NUTM2G: variants seen among roughly 807,000 people sequenced by gnomAD.
NUTM2G encodes family with sequence similarity 22, member G.
In NUTM2G, 29 loss-of-function variants were observed where a neutral mutation model predicts 44.3. That is an observed-to-expected ratio of 0.66 (90% CI 0.49 to 0.89). NUTM2G has a LOEUF of 0.89. Ranked by LOEUF, NUTM2G falls within the 40% of genes least tolerant of loss-of-function variation. NUTM2G has a pLI of 0.00. For synonymous variants in NUTM2G, 205 were observed against 395.9 expected (o/e 0.52, Z 5.72); for missense variants, 502 against 946.5 (o/e 0.53, Z 6.16).
chr9:96,930,877 T>TTTTTTG (rs1408959572), intron 1 of NUTM2G, among the ~76,000 whole-genome samples: 4 of 55,296 alleles, frequency 7.2e-5, no homozygotes, highest in African/African-American at 5.1e-4. Flanking sequence ...CAGTGGTTTT[T>TTTTTTG]TTTTTTTTTT....
rs369063405 is a variant in NUTM2G at position 96,935,399 on chromosome 9, G to A, written c.785G>A (p.Arg262Gln). The A allele has an allele frequency of 5.0e-6, 8 of 1,612,056 alleles. No homozygotes were observed. Among genetic ancestry groups the A allele is most frequent in the South Asian group, 3.3e-5 (3 of 90,988 alleles). Reference protein sequence around the residue: ...TLEEGLWRAMREWQHTSNFDR... With the variant: ...TLEEGLWRAMQEWQHTSNFDR... ...GAGGAGGGACTGTGGCGGGCCATGCGGGAATGGCAGCACACGAGCAACTTT... is the reference window on the plus strand; with the variant it reads ...GAGGAGGGACTGTGGCGGGCCATGCAGGAATGGCAGCACACGAGCAACTTT... Residue 262 changes from arginine (R) to glutamine (Q), a missense_variant, in exon 3 of 7, where the codon CGG becomes CAG. By Grantham distance (43) the Arg-to-Gln change is conservative. Transcript: ENST00000372322.
Position 96,937,094 on chromosome 9 carries a change from C to T in NUTM2G, c.1013C>T (p.Ala338Val). 6.2e-7 allele frequency: 1 copy of T among 1,610,298 alleles called. No individual in the cohort carries two copies. The highest frequency in any genetic ancestry group is 1.7e-5 in the Admixed American group (1 of 59,800). Residue 338 changes from alanine (A) to valine (V), a missense_variant, in exon 5 of 7, where the codon GCC (alanine) becomes GTC (valine). Physicochemically the swap from Ala to Val is moderately conservative, Grantham distance 64. Transcript: ENST00000372322. ...CTTCCCAGCAAGGATGGCCCCAAGGCCCCGACTGCCTGCCTGCCACCACCC... is the reference window on the plus strand; with the variant it reads ...CTTCCCAGCAAGGATGGCCCCAAGGTCCCGACTGCCTGCCTGCCACCACCC... ...VYLPSKDGPKAPTACLPPPRP... is the reference protein window; with the variant it reads ...VYLPSKDGPKVPTACLPPPRP...
intron 5 of NUTM2G, among the ~76,000 whole-genome samples, chr9:96,937,617 G>GT (rs1826480185): frequency 6.6e-6 from 1 of 152,162 alleles, no homozygotes; most frequent in African/African-American, 2.4e-5. Context: ...GGGTGTGGGT[G>GT]TGAGTCTGGA....
In NUTM2G at chr9:96,937,904, C is replaced by T; in HGVS notation, c.1343C>T (p.Pro448Leu). The T allele has an allele frequency of 6.2e-7, 1 of 1,611,604 alleles. No individual in the cohort carries two copies. The highest frequency in any genetic ancestry group is 8.5e-7 in the Non-Finnish European group (1 of 1,179,692). The change falls in exon 6 of 7, where the codon CCC (proline) becomes CTC (leucine). Residue 448 changes from proline to leucine, a missense_variant. By Grantham distance (98) the Pro-to-Leu change is moderately conservative (BLOSUM62 -3). Transcript: ENST00000372322. ...FVTKVEAVIH[P>L]RFLEELLSPD... ...TTCCAGGTGGAGGCCGTCATTCACCCCCGATTCCTGGAAGAATTGCTTTCC... is the reference window on the plus strand; with the variant it reads ...TTCCAGGTGGAGGCCGTCATTCACCTCCGATTCCTGGAAGAATTGCTTTCC...
intron 3 of NUTM2G, among the ~76,000 whole-genome samples, chr9:96,936,057 A>G (rs1421020557): frequency 8.7e-5 from 13 of 149,198 alleles, no homozygotes; most frequent in Non-Finnish European, 1.6e-4. Flanking sequence ...GTTATCCTTC[A>G]GGGGCCCACA....
rs374357700 is a variant in NUTM2G, at chr9:96,934,359, G to A, written c.714-969G>A. On this transcript the variant is annotated intron_variant, in intron 2 of 6. Coordinates refer to ENST00000372322, the MANE Select transcript of NUTM2G (RefSeq NM_001170741.3). ...CCCTGCCTGGGGTGTAGGTGAAGGC[G>A]GTCCCGTCTTCCTCCCCAACAGTCT... is the stretch of plus-strand genomic sequence containing the variant. Among the ~76,000 whole-genome samples the A allele has an allele frequency of 4.2e-4, 64 of 152,318 alleles. No homozygotes were observed. In the East Asian group the frequency reaches 8.7e-3, roughly 21 times the overall value.
At position 96,937,925 on chromosome 9, in the gene NUTM2G, T is replaced by C. The variant is rs1274428701; in HGVS notation, c.1364T>C (p.Leu455Pro). Reference protein sequence around the residue: ...VIHPRFLEELLSPDPQMDFLA... With the variant: ...VIHPRFLEELPSPDPQMDFLA... Reference sequence around the variant, plus strand: ...CACCCCCGATTCCTGGAAGAATTGCTTTCCCCAGATCCACAGATGGATTTC... The same window carrying C: ...CACCCCCGATTCCTGGAAGAATTGCCTTCCCCAGATCCACAGATGGATTTC... The change falls in exon 6 of 7, where the codon CTT (leucine) becomes CCT (proline). Residue 455 changes from leucine (L) to proline (P), a missense_variant. Transcript: ENST00000372322. 3 of 1,611,844 alleles carry C rather than the reference T, an allele frequency of 1.9e-6. No homozygotes were observed. The highest frequency in any genetic ancestry group is 2.2e-5 in the South Asian group (2 of 90,970).
intron 1 of NUTM2G, among the ~76,000 whole-genome samples, chr9:96,930,498 T>C (rs903099771): frequency 7.4e-6 from 1 of 135,514 alleles, no homozygotes; most frequent in African/African-American, 2.9e-5. Context: ...CACTCCAGCC[T>C]GGGTGACAGA....
intron 2 of NUTM2G, 71 bp from the exon 3 acceptor site, chr9:96,935,257 G>C: frequency 1.3e-5 from 21 of 1,603,654 alleles, no homozygotes; most frequent in Non-Finnish European, 1.7e-5. Context: ...ACAGGAGCCA[G>C]GTGTTGGGAC....
At chr9:96,931,091 T>C (rs1388058295) in intron 1 of NUTM2G, among the ~76,000 whole-genome samples, 1 of 151,940 alleles carries the variant, frequency 6.6e-6, no homozygotes, top group East Asian at 1.9e-4. Flanking sequence ...TTTCACCACG[T>C]TGGCCAGACT....
Position 96,931,869 on chromosome 9 carries a change from T to G in NUTM2G, c.164T>G (p.Val55Gly). ...TAVVPPAGPL[V>G]LSAFPSTPLV... ...GTGGTTCCTCCAGCCGGCCCTCTGG[T>G]GCTCTCTGCCTTCCCCAGCACCCCT... The change falls in exon 2 of 7, where the codon GTG becomes GGG. Residue 55 changes from valine to glycine, a missense_variant. Transcript: ENST00000372322. The G allele has an allele frequency of 1.2e-6, 2 of 1,612,372 alleles. No homozygotes were observed. The highest frequency in any genetic ancestry group is 1.1e-5 in the South Asian group (1 of 90,988).
chr9:96,934,574 A>G lies in NUTM2G; in HGVS notation c.714-754A>G, dbSNP rs186828336. Among the ~76,000 whole-genome samples, 1,309 of 150,938 alleles carry G rather than the reference A, an allele frequency of 8.7e-3. 22 individuals are homozygous for G. The highest frequency in any genetic ancestry group is 0.03 in the African/African-American group (1,222 of 40,282). On this transcript the variant is annotated intron_variant, in intron 2 of 6. Transcript: ENST00000372322. ...ACACCGCTCTGCTTTGGTTCTGGAC[A>G]TGTGCTCCTGCTCCTCAAGCTCCAG...
intron 2 of NUTM2G, among the ~76,000 whole-genome samples, chr9:96,934,538 C>T (rs1484009691): frequency 6.6e-6 from 1 of 152,020 alleles, no homozygotes; most frequent in African/African-American, 2.4e-5. Flanking sequence ...TGGCTGCTTG[C>T]AGTGGCTTGG....
At chr9:96,942,004 TG>T (rs1388483384), downstream of NUTM2G, among the ~76,000 whole-genome samples, 2 of 151,460 alleles carry the variant, frequency 1.3e-5, no homozygotes, top group Non-Finnish European at 2.9e-5. Context: ...AGGCTCTCGG[TG>T]GGTTTGGCCT....
At chr9:96,940,960 T>G (rs1394497146), downstream of NUTM2G, among the ~76,000 whole-genome samples, 1 of 151,250 alleles carries the variant, frequency 6.6e-6, no homozygotes, top group Non-Finnish European at 1.5e-5. Flanking sequence ...TTGGGGAAAA[T>G]GTGGGGAGTG....
rs761241199 is a variant in NUTM2G, at chr9:96,937,209, C to T, written c.1128C>T (p.Pro376=). ...AGACCAAGGTCCCTGAGGAGATCCC[C>T]CCTGAAGTGGTGCAGGAGTATGTGG... The part of the protein sequence containing the change: ...PAETKVPEEI[P]PEVVQEYVDI... Residue 376 remains proline, a synonymous_variant, in exon 5 of 7, where the codon CCC becomes CCT. Coordinates refer to ENST00000372322, the MANE Select transcript of NUTM2G (RefSeq NM_001170741.3). 8 of 1,612,972 alleles carry T rather than the reference C, an allele frequency of 5.0e-6. No homozygotes were observed. In the South Asian group the frequency reaches 6.6e-5, roughly 13 times the overall value.
At chr9:96,940,658 A>G (rs1176376269), downstream of NUTM2G, among the ~76,000 whole-genome samples, 1 of 152,130 alleles carries the variant, frequency 6.6e-6, no homozygotes, top group Non-Finnish European at 1.5e-5. Flanking sequence ...CACTGCCTGC[A>G]TGCAGAGCTG....
Position 96,931,837 on chromosome 9 carries a change from G to A in NUTM2G, c.132G>A (p.Val44=), listed in dbSNP as rs375786527. 6.2e-6 allele frequency: 10 copies of A among 1,612,352 alleles called. No individual in the cohort carries two copies. The African/African-American group carries it at 1.1e-4, about 17-fold the overall frequency. ...GCCCAACACACAGGCCGCCCCTCGTGACTGCAGTGGTTCCTCCAGCCGGCC... is the reference window on the plus strand; with the variant it reads ...GCCCAACACACAGGCCGCCCCTCGTAACTGCAGTGGTTCCTCCAGCCGGCC... The part of the protein sequence containing the change: ...SPGPTHRPPL[V]TAVVPPAGPL... The change falls in exon 2 of 7, where the codon GTG becomes GTA. Residue 44 remains valine (V), a synonymous_variant. Coordinates refer to ENST00000372322, the MANE Select transcript of NUTM2G (RefSeq NM_001170741.3).
intron 3 of NUTM2G, among the ~76,000 whole-genome samples, chr9:96,936,059 G>T (rs1320195290): frequency 1.3e-5 from 2 of 149,254 alleles, no homozygotes; most frequent in Non-Finnish European, 3.0e-5. Context: ...TATCCTTCAG[G>T]GGCCCACAGT....
Sources: gnomAD v4.1 joint callset for allele counts (sites outside exome capture counted in the v4.1 genomes callset) on GRCh38, gnomAD v4.1.1 for gene constraint, MANE v1.5 for transcripts, NCBI Gene and HGNC (gene_info 2026-07-23, HGNC 2026-07-21) for gene names.